Variants in ADGRG7 observed in about 807,000 individuals in gnomAD.
ADGRG7 encodes G-protein coupled receptor 128.
ADGRG7 carries 82 observed loss-of-function variants against 88.6 expected under a neutral mutation model. The observed-to-expected ratio is 0.93, with a 90% CI of 0.77 to 1.11. The LOEUF (loss-of-function observed/expected upper bound fraction) is 1.11. Ranked by LOEUF, ADGRG7 falls within the 50% of genes most tolerant of loss-of-function variation. ADGRG7 has a pLI of 0.00. For synonymous variants in ADGRG7, 381 were observed against 345.2 expected (o/e 1.10, Z -1.15); for missense variants, 945 against 953.4 (o/e 0.99, Z 0.12).
At chr3:100,674,632 C>T (rs2094962666) in intron 15 of ADGRG7, among the ~76,000 whole-genome samples, 1 of 149,106 alleles carries the variant, frequency 6.7e-6, no homozygotes. Flanking sequence ...GGCTGGAGTG[C>T]AGTGGTGTAA....
chr3:100,647,920 C>T (rs1010299377), intron 10 of ADGRG7, among the ~76,000 whole-genome samples: 2 of 152,188 alleles, frequency 1.3e-5, no homozygotes, highest in Non-Finnish European at 2.9e-5. Context: ...CTTGCATTAT[C>T]AAAGCACAGA....
chr3:100,630,044 C>T lies in ADGRG7; in HGVS notation c.229+333C>T, dbSNP rs78374413. Among the ~76,000 whole-genome samples, 1,314 of 152,128 alleles carry T rather than the reference C, an allele frequency of 8.6e-3. 21 individuals are homozygous for T. Among genetic ancestry groups the T allele is most frequent in the African/African-American group, 0.03 (1,252 of 41,500 alleles). ...TCAATTGGTAATATGCCATAATATA[C>T]CATTTCAAATATCACTACTCTAATA... On this transcript the variant is annotated intron_variant, in intron 2 of 15. Coordinates refer to ENST00000273352, the MANE Select transcript of ADGRG7 (RefSeq NM_032787.3).
At chr3:100,678,732 A>G (rs2094968908) in intron 15 of ADGRG7, among the ~76,000 whole-genome samples, 1 of 152,192 alleles carries the variant, frequency 6.6e-6, no homozygotes, top group Non-Finnish European at 1.5e-5. Context: ...CTTAGGTAAG[A>G]TCTGGGAGAA....
intron 1 of ADGRG7, among the ~76,000 whole-genome samples, chr3:100,628,781 T>C (rs981765285): frequency 2.0e-5 from 3 of 152,228 alleles, no homozygotes; most frequent in Non-Finnish European, 2.9e-5. Flanking sequence ...GTATGCTTCC[T>C]GAACCTAGTG....
intron 13 of ADGRG7, among the ~76,000 whole-genome samples, chr3:100,658,781 C>T (rs1008621290): frequency 6.6e-6 from 1 of 152,154 alleles, no homozygotes; most frequent in African/African-American, 2.4e-5. Flanking sequence ...GCATTCGTCA[C>T]CATCTGACAT....
chr3:100,638,459 C>T (rs1707583629), intron 6 of ADGRG7, among the ~76,000 whole-genome samples: 1 of 152,168 alleles, frequency 6.6e-6, no homozygotes, highest in Non-Finnish European at 1.5e-5. Context: ...CTTCTCTTCC[C>T]TACCAGCTGA....
intron 15 of ADGRG7, among the ~76,000 whole-genome samples, chr3:100,676,563 T>C (rs971463772): frequency 6.6e-6 from 1 of 152,092 alleles, no homozygotes; most frequent in Non-Finnish European, 1.5e-5. Context: ...AGGAGAAGAA[T>C]GTGTATTCTG....
In ADGRG7 at chr3:100,655,837, T is replaced by C. The variant is rs2094936820; in HGVS notation, c.1727-62T>C. 3.0e-5 allele frequency: 29 copies of C among 965,088 alleles called. No individual in the cohort carries two copies. The South Asian group carries it at 3.3e-4, about 11-fold the overall frequency. The allele number at this position is 965,088 out of a possible 1,614,324, so 59.8% of individuals were successfully genotyped here. On this transcript the variant is annotated intron_variant, in intron 12 of 15. Transcript: ENST00000273352. ...GGTCAGATGTATAATTCATGTATGATCTTTTATAATTAATCCAAGTCTGGA... is the reference window on the plus strand; with the variant it reads ...GGTCAGATGTATAATTCATGTATGACCTTTTATAATTAATCCAAGTCTGGA...
intron 11 of ADGRG7, among the ~76,000 whole-genome samples, chr3:100,652,179 C>A (rs2094930442): frequency 6.6e-6 from 1 of 151,938 alleles, no homozygotes; most frequent in Non-Finnish European, 1.5e-5. Context: ...GGTCATTAAA[C>A]CTCTCAATAG....
chr3:100,656,502 C>T (rs1043697665), intron 13 of ADGRG7, among the ~76,000 whole-genome samples: 16 of 152,084 alleles, frequency 1.1e-4, no homozygotes, highest in Non-Finnish European at 1.3e-4. Context: ...CAAATTCTTC[C>T]TGTGATTCCA....
At chr3:100,633,180 A>C in intron 3 of ADGRG7, 85 bp from the exon 4 acceptor site, 1 of 580,724 alleles carries the variant, frequency 1.7e-6, no homozygotes, top group Admixed American at 4.3e-5. Flanking sequence ...TATAACTTTT[A>C]ATAAAAATTA....
chr3:100,673,020 T>TG (rs1553695256), intron 15 of ADGRG7, among the ~76,000 whole-genome samples: 1 of 151,884 alleles, frequency 6.6e-6, no homozygotes, highest in African/African-American at 2.4e-5. Context: ...GAAATTTTTT[T>TG]TGTGTGTGTG....
At chr3:100,673,627 A>G (rs1298653171) in intron 15 of ADGRG7, among the ~76,000 whole-genome samples, 2 of 151,404 alleles carry the variant, frequency 1.3e-5, no homozygotes, top group Non-Finnish European at 2.9e-5. Flanking sequence ...ATGCCTGGCT[A>G]ATTTTTGTAT....
chr3:100,668,515 C>T (rs912907430), intron 14 of ADGRG7, among the ~76,000 whole-genome samples: 3 of 152,208 alleles, frequency 2.0e-5, no homozygotes, highest in African/African-American at 7.2e-5. Flanking sequence ...GGGGCATAGA[C>T]TTTCCACAAG....
intron 15 of ADGRG7, among the ~76,000 whole-genome samples, chr3:100,687,450 G>A (rs535117609): frequency 1.3e-5 from 2 of 152,228 alleles, no homozygotes; most frequent in South Asian, 2.1e-4. Flanking sequence ...TCCCTGTCTT[G>A]TGCCAGTTTT....
Position 100,646,182 on chromosome 3 carries a change from G to A in ADGRG7, c.1110+74G>A, listed in dbSNP as rs1226865174. On this transcript the variant is annotated intron_variant, in intron 9 of 15. Transcript: ENST00000273352. ...TTCTGATGGTGGCAGCTGAGACTGAGTAGAGTAATACAGGGGAAGAAGAGA... is the reference window on the plus strand; with the variant it reads ...TTCTGATGGTGGCAGCTGAGACTGAATAGAGTAATACAGGGGAAGAAGAGA... The A allele has an allele frequency of 4.0e-6, 3 of 755,968 alleles. No individual in the cohort carries two copies. The Admixed American group carries it at 7.5e-5, about 19-fold the overall frequency. 46.8% of individuals were successfully genotyped at this position (755,968 alleles called of 1,614,324 possible).
chr3:100,671,890 C>A (rs1012119179), intron 15 of ADGRG7, among the ~76,000 whole-genome samples: 1 of 152,162 alleles, frequency 6.6e-6, no homozygotes, highest in Non-Finnish European at 1.5e-5. Context: ...ATTTCTGAGG[C>A]CTCTATTCTG....
chr3:100,621,243 G>C (rs1242978729), intron 1 of ADGRG7, among the ~76,000 whole-genome samples: 1 of 152,084 alleles, frequency 6.6e-6, no homozygotes, highest in African/African-American at 2.4e-5. Flanking sequence ...GCGAAAGGAA[G>C]AGTTGCATGT....
At chr3:100,633,653 T>C (rs1707488901) in intron 4 of ADGRG7, among the ~76,000 whole-genome samples, 1 of 151,980 alleles carries the variant, frequency 6.6e-6, no homozygotes, top group Non-Finnish European at 1.5e-5. Flanking sequence ...GCCTCCTGAG[T>C]AAGCTGGGAT....
Sources: allele counts gnomAD v4.1 joint callset (sites outside exome capture counted in the v4.1 genomes callset), GRCh38; gene constraint gnomAD v4.1.1; transcripts MANE v1.5; gene names NCBI Gene and HGNC (gene_info 2026-07-23, HGNC 2026-07-21).